MCTP1: variants seen among roughly 807,000 people sequenced by gnomAD.
MCTP1 encodes multiple C2 and transmembrane domain-containing protein 1.
A neutral mutation model predicts 120.6 loss-of-function variants in MCTP1; 69 were observed. The ratio of observed to expected loss-of-function variants is 0.57; its 90% CI spans 0.47 to 0.70. The LOEUF (loss-of-function observed/expected upper bound fraction) is 0.70. Among genes scored for constraint, MCTP1 ranks in the 30% least tolerant of loss-of-function variants. MCTP1 has a pLI of 0.00. For synonymous variants in MCTP1, 529 were observed against 493.1 expected (o/e 1.07, Z -0.96); for missense variants, 1,203 against 1,248.8 (o/e 0.96, Z 0.55).
rs527561832 is a variant in MCTP1, at chr5:94,761,831, C to T, written c.2610+17279G>A. ...TTGACTACTAAGACAATGTGGGAAA[C>T]GTGACATTCTGGGACTTCCAAGGCT... On this transcript the variant is annotated intron_variant, in intron 19 of 22. Transcript: ENST00000515393. 5.6e-4 allele frequency among the ~76,000 whole-genome samples: 85 copies of T among 152,324 alleles called. 2 individuals are homozygous for T. The South Asian group carries it at 0.011, about 20-fold the overall frequency.
chr5:94,798,611 C>T (rs1780555543), intron 18 of MCTP1, among the ~76,000 whole-genome samples: 1 of 152,074 alleles, frequency 6.6e-6, no homozygotes, highest in African/African-American at 2.4e-5. Context: ...TGACCGAGCA[C>T]AAAGAATCTA....
At chr5:94,951,258 C>T (rs528174079) in intron 3 of MCTP1, among the ~76,000 whole-genome samples, 2 of 152,182 alleles carry the variant, frequency 1.3e-5, no homozygotes, top group African/African-American at 2.4e-5. Flanking sequence ...CTTTTTGAGC[C>T]TAGTAAGACA....
chr5:94,713,531 TAAAAG>T (rs1304503066), intron 20 of MCTP1, among the ~76,000 whole-genome samples: 1 of 152,114 alleles, frequency 6.6e-6, no homozygotes, highest in Non-Finnish European at 1.5e-5. Flanking sequence ...GTACCCCAGA[TAAAAG>T]AAAGACAGCA....
intron 19 of MCTP1, among the ~76,000 whole-genome samples, chr5:94,715,530 AT>A (rs911127440): frequency 1.3e-5 from 2 of 152,086 alleles, no homozygotes; most frequent in Non-Finnish European, 2.9e-5. Flanking sequence ...CTAACTAAAC[AT>A]TTTTTCCCCT....
chr5:94,708,231 C>T (rs1755359271), intron 22 of MCTP1: 2 of 236,978 alleles, frequency 8.4e-6, no homozygotes, highest in Non-Finnish European at 1.6e-5. Flanking sequence ...TCAGGTCATA[C>T]TCCCTGTCAC....
At chr5:95,053,848 T>C (rs1746648842) in intron 1 of MCTP1, among the ~76,000 whole-genome samples, 1 of 152,146 alleles carries the variant, frequency 6.6e-6, no homozygotes, top group East Asian at 1.9e-4. Flanking sequence ...GAAGGGAAGA[T>C]AGAAGGAATG....
At chr5:95,188,866 A>G (rs1381294118) in intron 1 of MCTP1, among the ~76,000 whole-genome samples, 3 of 152,192 alleles carry the variant, frequency 2.0e-5, no homozygotes, top group African/African-American at 7.2e-5. Flanking sequence ...TCAGTAGATG[A>G]TAACAATGTC....
chr5:94,767,134 T>C (rs1772958011), intron 19 of MCTP1, among the ~76,000 whole-genome samples: 1 of 152,206 alleles, frequency 6.6e-6, no homozygotes, highest in Admixed American at 6.5e-5. Flanking sequence ...AATCAATAAA[T>C]GTGATACATC....
chr5:94,988,946 G>C (rs1830965667), intron 2 of MCTP1, among the ~76,000 whole-genome samples: 1 of 152,076 alleles, frequency 6.6e-6, no homozygotes, highest in African/African-American at 2.4e-5. Context: ...ATGAGAACTG[G>C]ATGGGGGAAA....
At chr5:94,967,847 T>C (rs1354334887) in intron 2 of MCTP1, among the ~76,000 whole-genome samples, 1 of 152,244 alleles carries the variant, frequency 6.6e-6, no homozygotes, top group Non-Finnish European at 1.5e-5. Context: ...GTTCGTCATC[T>C]AATTTTCTCT....
intron 1 of MCTP1, among the ~76,000 whole-genome samples, chr5:95,082,424 A>C (rs182818802): frequency 6.6e-6 from 1 of 152,340 alleles, no homozygotes. Context: ...ATAGACATAG[A>C]TGCTTGGAGA....
intron 1 of MCTP1, among the ~76,000 whole-genome samples, chr5:95,103,385 A>G (rs539622462): frequency 6.6e-6 from 1 of 152,314 alleles, no homozygotes; most frequent in Admixed American, 6.5e-5. Flanking sequence ...TAGGGTGGTG[A>G]ACAACTGTAT....
intron 18 of MCTP1, among the ~76,000 whole-genome samples, chr5:94,790,003 A>C (rs1165698460): frequency 6.6e-6 from 1 of 152,222 alleles, no homozygotes; most frequent in African/African-American, 2.4e-5. Context: ...AGACACACAA[A>C]TGGAAGATTC....
rs184256137 is a variant in MCTP1 at position 94,773,556 on chromosome 5, G to A, written c.2610+5554C>T. Among the ~76,000 whole-genome samples, 25 of 152,238 alleles carry A rather than the reference G, an allele frequency of 1.6e-4. No individual in the cohort carries two copies. In the East Asian group the frequency reaches 3.7e-3, roughly 22 times the overall value. On this transcript the variant is annotated intron_variant, in intron 19 of 22. Coordinates refer to ENST00000515393, the MANE Select transcript of MCTP1 (RefSeq NM_024717.7). The stretch of plus-strand genomic sequence containing the variant: ...GGAGTGGGTTTTGTAATATGATGGT[G>A]TATTAGTCTGTTCTCATGCTGTTAA...
chr5:95,154,659 C>T (rs1744895048), intron 1 of MCTP1, among the ~76,000 whole-genome samples: 1 of 152,054 alleles, frequency 6.6e-6, no homozygotes, highest in East Asian at 1.9e-4. Context: ...AATCCTATAA[C>T]TGAAATTGTG....
intron 2 of MCTP1, among the ~76,000 whole-genome samples, chr5:94,961,336 G>A (rs1824130398): frequency 6.6e-6 from 1 of 152,066 alleles, no homozygotes; most frequent in South Asian, 2.1e-4. Context: ...ACAGGTTGAT[G>A]GGTGCAGCAA....
chr5:95,281,018 C>A (rs1760272538), intron 1 of MCTP1, among the ~76,000 whole-genome samples: 1 of 152,158 alleles, frequency 6.6e-6, no homozygotes, highest in Admixed American at 6.5e-5. Context: ...AAGCAGAGAA[C>A]AAGAGAAAAA....
At chr5:95,174,343 T>C (rs1250251434) in intron 1 of MCTP1, among the ~76,000 whole-genome samples, 1 of 151,690 alleles carries the variant, frequency 6.6e-6, no homozygotes, top group Non-Finnish European at 1.5e-5. Context: ...AATTTCAAAA[T>C]CAGAGATAAT....
intron 3 of MCTP1, among the ~76,000 whole-genome samples, chr5:94,947,577 T>TATATATAGAGAGAGAGAGAGAGAGAGAG: frequency 2.1e-5 from 1 of 47,400 alleles, no homozygotes; most frequent in Non-Finnish European, 4.0e-5. Context: ...TATATATATA[T>TATATATAGAGAGAGAGAGAGAGAGAGAG]AGAGAGAGAG....
Sources: gnomAD v4.1 joint callset for allele counts (sites outside exome capture counted in the v4.1 genomes callset) on GRCh38, gnomAD v4.1.1 for gene constraint, MANE v1.5 for transcripts, NCBI Gene and HGNC (gene_info 2026-07-23, HGNC 2026-07-21) for gene names.